Variants in DST observed in about 807,000 individuals in gnomAD.
The protein encoded by DST is bullous pemphigoid antigen.
Under a neutral mutation model 875.2 loss-of-function variants are expected in DST, and 253 were observed. The ratio of observed to expected loss-of-function variants is 0.29; its 90% CI spans 0.26 to 0.32. The LOEUF (loss-of-function observed/expected upper bound fraction) is 0.32, where lower values mean the gene tolerates loss of function less well. Ranked by LOEUF, DST falls within the 10% of genes least tolerant of loss-of-function variation. The pLI is 1.00. For synonymous variants in DST, 3,124 were observed against 3,197.1 expected (o/e 0.98, Z 0.77); for missense variants, 8,287 against 9,111.6 (o/e 0.91, Z 3.68).
chr6:56,763,509 T>A (rs1178693726), intron 4 of DST, among the ~76,000 whole-genome samples: 13 of 151,948 alleles, frequency 8.6e-5, no homozygotes, highest in Admixed American at 2.6e-4. Context: ...ACGTCTCTAC[T>A]AAACGTACAA....
At chr6:56,723,338 G>A (rs146787040) in intron 5 of DST, among the ~76,000 whole-genome samples, 1 of 152,288 alleles carries the variant, frequency 6.6e-6, no homozygotes, top group Non-Finnish European at 1.5e-5. Context: ...GCTGAGGCAG[G>A]CAGACCACCT....
intron 82 of DST, among the ~76,000 whole-genome samples, chr6:56,496,759 C>G (rs1287490147): frequency 6.6e-6 from 1 of 151,988 alleles, no homozygotes; most frequent in East Asian, 1.9e-4. Flanking sequence ...GACTTGGAAC[C>G]AACCCAAATG....
At chr6:56,616,007 C>T (rs1207913962) in intron 36 of DST, 2 of 1,614,198 alleles carry the variant, frequency 1.2e-6, no homozygotes, top group Non-Finnish European at 1.7e-6. Context: ...AATTATGCCC[C>T]CTGTACTGAC....
intron 36 of DST, chr6:56,617,978 G>C (rs764323934): frequency 6.2e-7 from 1 of 1,609,228 alleles, no homozygotes; most frequent in South Asian, 1.1e-5. Flanking sequence ...TCAGAACACA[G>C]AGTATACCTC....
intron 69 of DST, among the ~76,000 whole-genome samples, chr6:56,518,321 T>C (rs2096634524): frequency 6.6e-6 from 1 of 152,104 alleles, no homozygotes; most frequent in Non-Finnish European, 1.5e-5. Context: ...AATTAAAACC[T>C]AGATTTAACA....
intron 3 of DST, among the ~76,000 whole-genome samples, chr6:56,865,492 C>T (rs888622374): frequency 6.6e-6 from 1 of 152,138 alleles, no homozygotes; most frequent in South Asian, 2.1e-4. Flanking sequence ...TGTGCCACCA[C>T]ACCTGGCTAA....
Position 56,578,855 on chromosome 6 carries a change from C to G in DST, c.12986G>C (p.Gly4329Ala), listed in dbSNP as rs1562926783. 6.2e-7 allele frequency: 1 copy of G among 1,611,386 alleles called. No homozygotes were observed. Residue 4329 changes from glycine (G) to alanine (A), a missense_variant, in exon 50 of 104, where the codon GGA becomes GCA. By Grantham distance (60) the Gly-to-Ala change is moderately conservative. This residue lies in a region of DST where 1,513 missense variants were observed against 1,677.8 expected (regional missense o/e 0.90). Coordinates refer to ENST00000680361, the MANE Select transcript of DST (RefSeq NM_001374736.1). ...ATCATTCTTGGCTGGAAGTAAAGAT[C>G]CCCTGGCATCTAAAAGCACTTCAGC... ...KTAEVLLDAR[G>A]SLLPAKNDIQ...
chr6:56,862,114 T>C (rs1771514599), intron 3 of DST, among the ~76,000 whole-genome samples: 1 of 151,976 alleles, frequency 6.6e-6, no homozygotes, highest in East Asian at 1.9e-4. Flanking sequence ...CAAATGTGAG[T>C]AGAAATTCAG....
chr6:56,829,027 A>T (rs2099784010), intron 4 of DST, among the ~76,000 whole-genome samples: 1 of 152,224 alleles, frequency 6.6e-6, no homozygotes, highest in Non-Finnish European at 1.5e-5. Flanking sequence ...ACTGGTTTAA[A>T]AATCTTGGAG....
At chr6:56,571,104 T>C (rs2097774159) in intron 53 of DST, among the ~76,000 whole-genome samples, 1 of 152,130 alleles carries the variant, frequency 6.6e-6, no homozygotes. Flanking sequence ...ACTGTATGGG[T>C]CGTTCTGTAT....
intron 4 of DST, among the ~76,000 whole-genome samples, chr6:56,784,140 C>G (rs1033717377): frequency 2.0e-5 from 3 of 152,176 alleles, no homozygotes; most frequent in African/African-American, 7.2e-5. Context: ...TGACCTTTCT[C>G]TCTGGTTCTC....
Position 56,605,831 on chromosome 6 carries a change from T to C in DST, c.8797A>G (p.Thr2933Ala), listed in dbSNP as rs924313031. The C allele has an allele frequency of 3.1e-6, 5 of 1,612,236 alleles. No individual in the cohort carries two copies. The African/African-American group carries it at 6.7e-5, about 22-fold the overall frequency. The change falls in exon 40 of 104, where the codon ACT becomes GCT. Residue 2933 changes from threonine to alanine, a missense_variant. Physicochemically the swap from Thr to Ala is moderately conservative, Grantham distance 58. Transcript: ENST00000680361. ...TGTGAAATACTTGCAGGGCCAAAAG[T>C]TTTTTCAGATTCAGTGTCTTTAATG... ...PIIKDTESEK[T>A]FGPASISHDN...
intron 2 of DST, among the ~76,000 whole-genome samples, chr6:56,915,943 C>T (rs9475752): frequency 0.22 from 33,830 of 152,138 alleles, 4,291 homozygotes; most frequent in African/African-American, 0.34. Context: ...ATCCTAACAC[C>T]TTCTTTGAGA....
At chr6:56,576,027 C>T (rs542088854) in intron 50 of DST, among the ~76,000 whole-genome samples, 1 of 152,234 alleles carries the variant, frequency 6.6e-6, no homozygotes, top group South Asian at 2.1e-4. Flanking sequence ...CCCTGTCAAC[C>T]TCTGAGGAGG....
chr6:56,563,808 T>C (rs2097588917), intron 55 of DST, among the ~76,000 whole-genome samples: 1 of 152,226 alleles, frequency 6.6e-6, no homozygotes, highest in Non-Finnish European at 1.5e-5. Context: ...GGCTAGCTAG[T>C]TTTCCCAACA....
chr6:56,649,781 G>C (rs1358284705), intron 12 of DST, among the ~76,000 whole-genome samples: 1 of 152,160 alleles, frequency 6.6e-6, no homozygotes, highest in Non-Finnish European at 1.5e-5. Flanking sequence ...GGAATATGTA[G>C]ACACTGAAAA....
At chr6:56,619,474 T>C in intron 36 of DST, 1 of 1,612,054 alleles carries the variant, frequency 6.2e-7, no homozygotes, top group Non-Finnish European at 8.5e-7. Flanking sequence ...GGCAGATTTG[T>C]AGTCTTTCTA....
chr6:56,866,458 T>C (rs1774167383), intron 3 of DST, among the ~76,000 whole-genome samples: 1 of 152,240 alleles, frequency 6.6e-6, no homozygotes, highest in Admixed American at 6.5e-5. Flanking sequence ...GAGTACATCA[T>C]GCCTGTGCTC....
At chr6:56,703,079 G>A (rs1244605380) in intron 7 of DST, among the ~76,000 whole-genome samples, 2 of 152,154 alleles carry the variant, frequency 1.3e-5, no homozygotes, top group African/African-American at 2.4e-5. Flanking sequence ...GAGTCACGGA[G>A]ATTAAACAGC....
Sources: gnomAD v4.1 joint callset for allele counts (sites outside exome capture counted in the v4.1 genomes callset) on GRCh38, gnomAD v4.1.1 for gene constraint, gnomAD v4.1.1 regional missense constraint, MANE v1.5 for transcripts, NCBI Gene and HGNC (gene_info 2026-07-23, HGNC 2026-07-21) for gene names.